The following PCSK5 variants were observed in gnomAD, a reference collection of about 807,000 sequenced individuals.
The protein encoded by PCSK5 is prohormone convertase 5.
In PCSK5, 129 loss-of-function variants were observed where a neutral mutation model predicts 233.2. The observed-to-expected ratio is 0.55, with a 90% CI of 0.48 to 0.64. The LOEUF (loss-of-function observed/expected upper bound fraction) is 0.64, where lower values mean the gene tolerates loss of function less well. Ranked by LOEUF, PCSK5 falls within the 30% of genes least tolerant of loss-of-function variation. The pLI is 0.00. For synonymous variants in PCSK5, 825 were observed against 879.2 expected (o/e 0.94, Z 1.09); for missense variants, 2,076 against 2,430.1 (o/e 0.85, Z 3.06).
intron 7 of PCSK5, among the ~76,000 whole-genome samples, chr9:76,094,252 C>T (rs1022983329): frequency 1.8e-4 from 28 of 152,242 alleles, no homozygotes; most frequent in African/African-American, 5.1e-4. Context: ...TCTTTTTCTT[C>T]GGCTCTTTTT....
rs772936436 is a variant in PCSK5, at chr9:76,189,763, A to G, written c.2626+17A>G. On this transcript the variant is annotated intron_variant, in intron 20 of 37. Transcript: ENST00000674117. The stretch of plus-strand genomic sequence containing the variant: ...GCAAGGATGGTGAGTACAACTGCCC[A>G]TATCGATCTTATGAAGCAAAGTATG... The G allele has an allele frequency of 7.9e-7, 1 of 1,273,158 alleles. No individual in the cohort carries two copies. The highest frequency in any genetic ancestry group is 1.2e-5 in the South Asian group (1 of 81,438). 78.9% of individuals were successfully genotyped at this position (1,273,158 alleles called of 1,614,324 possible).
intron 3 of PCSK5, among the ~76,000 whole-genome samples, chr9:76,009,611 G>A (rs1363614751): frequency 6.6e-6 from 1 of 150,410 alleles, no homozygotes; most frequent in Non-Finnish European, 1.5e-5. Context: ...TGGCGACAGA[G>A]CGAGACTCCG....
At chr9:76,351,455 A>AG (rs1554724755) in intron 36 of PCSK5, among the ~76,000 whole-genome samples, 1 of 28,262 alleles carries the variant, frequency 3.5e-5, no homozygotes, top group African/African-American at 1.2e-4. Context: ...AAGGAAAGAA[A>AG]GAAAGAAAGA....
intron 3 of PCSK5, among the ~76,000 whole-genome samples, chr9:76,020,739 G>A (rs1419604824): frequency 6.6e-6 from 1 of 152,148 alleles, no homozygotes; most frequent in Admixed American, 6.6e-5. Context: ...TAGACGGCTG[G>A]TTTTCTTCAA....
chr9:76,099,328 C>T (rs1234222809), intron 8 of PCSK5, among the ~76,000 whole-genome samples: 1 of 152,118 alleles, frequency 6.6e-6, no homozygotes, highest in Non-Finnish European at 1.5e-5. Flanking sequence ...GGAGATAATA[C>T]CAGCACCTAC....
intron 22 of PCSK5, among the ~76,000 whole-genome samples, chr9:76,237,226 G>A (rs1826278433): frequency 6.6e-6 from 1 of 152,176 alleles, no homozygotes; most frequent in African/African-American, 2.4e-5. Context: ...AGAGTCTTGT[G>A]CTCCACAATG....
At chr9:76,289,913 A>G (rs1260353841) in intron 24 of PCSK5, among the ~76,000 whole-genome samples, 1 of 152,214 alleles carries the variant, frequency 6.6e-6, no homozygotes, top group Admixed American at 6.5e-5. Context: ...CCTGAACTCA[A>G]GATGGCATTG....
intron 2 of PCSK5, among the ~76,000 whole-genome samples, chr9:75,938,720 A>G (rs939379147): frequency 1.3e-5 from 2 of 152,208 alleles, no homozygotes. Flanking sequence ...GCAAATTTCT[A>G]CAAGCTCATT....
intron 24 of PCSK5, among the ~76,000 whole-genome samples, chr9:76,248,431 G>T (rs1275447525): frequency 1.3e-5 from 2 of 152,070 alleles, no homozygotes; most frequent in African/African-American, 4.8e-5. Context: ...GGAAGAGAGA[G>T]GGGAATAGAA....
intron 2 of PCSK5, among the ~76,000 whole-genome samples, chr9:75,965,431 G>T (rs1357099653): frequency 2.0e-5 from 3 of 152,178 alleles, no homozygotes; most frequent in African/African-American, 7.2e-5. Flanking sequence ...TGAGTCCAAA[G>T]GTCTGAGAAC....
chr9:76,019,412 G>A (rs911684338), intron 3 of PCSK5, among the ~76,000 whole-genome samples: 3 of 151,950 alleles, frequency 2.0e-5, no homozygotes, highest in African/African-American at 7.2e-5. Flanking sequence ...TGTTAATGTT[G>A]TATAGTCGGA....
intron 13 of PCSK5, among the ~76,000 whole-genome samples, chr9:76,174,218 T>A (rs1823469782): frequency 6.6e-6 from 1 of 152,150 alleles, no homozygotes; most frequent in Non-Finnish European, 1.5e-5. Flanking sequence ...TAGTGATGTT[T>A]TCTTAATATT....
At chr9:76,174,309 ATT>A (rs199929777) in intron 13 of PCSK5, among the ~76,000 whole-genome samples, 5 of 143,298 alleles carry the variant, frequency 3.5e-5, no homozygotes, top group Admixed American at 7.0e-5. Context: ...CCAAAAAAAA[ATT>A]TTTTTTTTTT....
chr9:75,943,043 C>T (rs1824391410), intron 2 of PCSK5, among the ~76,000 whole-genome samples: 1 of 151,962 alleles, frequency 6.6e-6, no homozygotes, highest in Non-Finnish European at 1.5e-5. Context: ...CGCCACCACA[C>T]CTGGCTAATT....
chr9:75,968,740 A>G (rs909013997), intron 2 of PCSK5, among the ~76,000 whole-genome samples: 12 of 152,198 alleles, frequency 7.9e-5, no homozygotes, highest in Non-Finnish European at 2.9e-5. Context: ...AGTTAGAGTT[A>G]TGTCTATGGA....
chr9:76,038,239 C>T (rs1828946208), intron 5 of PCSK5, among the ~76,000 whole-genome samples: 1 of 152,148 alleles, frequency 6.6e-6, no homozygotes, highest in Admixed American at 6.5e-5. Flanking sequence ...ATCAGGTTGT[C>T]ACATATCCTT....
At chr9:76,266,505 T>C (rs1207432928) in intron 24 of PCSK5, among the ~76,000 whole-genome samples, 1 of 152,142 alleles carries the variant, frequency 6.6e-6, no homozygotes, top group Non-Finnish European at 1.5e-5. Context: ...TAAAAAAACG[T>C]TGATGTTCAC....
chr9:76,199,386 T>A (rs1029055051), intron 20 of PCSK5, among the ~76,000 whole-genome samples: 2 of 152,242 alleles, frequency 1.3e-5, no homozygotes, highest in African/African-American at 4.8e-5. Flanking sequence ...TACAGTCTGT[T>A]ATTGACCAAA....
intron 29 of PCSK5, among the ~76,000 whole-genome samples, chr9:76,310,402 CA>C (rs1406649038): frequency 6.6e-6 from 1 of 152,048 alleles, no homozygotes; most frequent in African/African-American, 2.4e-5. Flanking sequence ...ATCAACTGGG[CA>C]AAAGGAAGCC....
Sources: gnomAD v4.1 joint callset for allele counts (sites outside exome capture counted in the v4.1 genomes callset) on GRCh38, gnomAD v4.1.1 for gene constraint, MANE v1.5 for transcripts, NCBI Gene and HGNC (gene_info 2026-07-23, HGNC 2026-07-21) for gene names.